PLB1: variants seen among roughly 807,000 people sequenced by gnomAD.
The protein encoded by PLB1 is phospholipase B1, membrane-associated.
PLB1 carries 242 observed loss-of-function variants against 227.4 expected under a neutral mutation model. The observed-to-expected ratio is 1.06, with a 90% CI of 0.96 to 1.18. PLB1 has a LOEUF of 1.18. Ranked by LOEUF, PLB1 falls within the 50% of genes most tolerant of loss-of-function variation. The pLI is 0.00. For synonymous variants in PLB1, 757 were observed against 682.2 expected (o/e 1.11, Z -1.71); for missense variants, 1,858 against 1,816.3 (o/e 1.02, Z -0.42).
chr2:28,626,313 CT>C, intron 50 of PLB1, 114 bp from the exon 51 acceptor site: 1 of 802,408 alleles, frequency 1.2e-6, no homozygotes, highest in Admixed American at 2.2e-5. Context: ...CTGCTTTTCT[CT>C]GTTACAGTAT....
At chr2:28,631,160 A>C (rs1688581227) in intron 54 of PLB1, among the ~76,000 whole-genome samples, 1 of 131,330 alleles carries the variant, frequency 7.6e-6, no homozygotes, top group Non-Finnish European at 1.8e-5. Flanking sequence ...CTCAAAAAAA[A>C]AAAAAAGAAA....
chr2:28,524,591 C>A lies in PLB1; in HGVS notation c.244-676C>A, dbSNP rs147667952. Among the ~76,000 whole-genome samples, 278 of 152,298 alleles carry A rather than the reference C, an allele frequency of 1.8e-3. 1 individual carries two copies. The highest frequency in any genetic ancestry group is 6.4e-3 in the African/African-American group (268 of 41,554). On this transcript the variant is annotated intron_variant, in intron 4 of 57. Transcript: ENST00000327757. ...TAAGTACAAAATGGACACATTCCTG[C>A]CTTCATGGCTCTTATGTCTAGTAGG...
In PLB1 at chr2:28,606,509, G is replaced by A. The variant is rs748823583; in HGVS notation, c.3071G>A (p.Gly1024Glu). Residue 1024 changes from glycine to glutamate, a missense_variant, in exon 43 of 58, where the codon GGA (glycine) becomes GAA (glutamate). Coordinates refer to ENST00000327757, the MANE Select transcript of PLB1 (RefSeq NM_153021.5). ...ALWTNMLEPLGSKTETLDLRA... is the reference protein window; with the variant it reads ...ALWTNMLEPLESKTETLDLRA... ...TTCCCTGATCAGCTTGAACCACTTGGAAGCAAAACAGAGACCCTGGACCTG... is the reference window on the plus strand; with the variant it reads ...TTCCCTGATCAGCTTGAACCACTTGAAAGCAAAACAGAGACCCTGGACCTG... The A allele has an allele frequency of 1.9e-6, 3 of 1,614,040 alleles. No homozygotes were observed. Among genetic ancestry groups the A allele is most frequent in the Non-Finnish European group, 2.5e-6 (3 of 1,180,024 alleles).
At chr2:28,574,884 A>C (rs755458505) in intron 21 of PLB1, among the ~76,000 whole-genome samples, 25 of 152,152 alleles carry the variant, frequency 1.6e-4, no homozygotes, top group Non-Finnish European at 3.1e-4. Flanking sequence ...TCCATGGTGT[A>C]TATATACCAC....
chr2:28,548,665 A>T (rs1558730311), intron 14 of PLB1, 195 bp from the exon 15 acceptor site: 1 of 644,354 alleles, frequency 1.6e-6, no homozygotes. Flanking sequence ...TCGCCTGGAG[A>T]GCTGCTTACA....
At chr2:28,567,536 C>G (rs1284614017) in intron 20 of PLB1, among the ~76,000 whole-genome samples, 1 of 135,890 alleles carries the variant, frequency 7.4e-6, no homozygotes, top group African/African-American at 3.0e-5. Context: ...CAGAGTGGCG[C>G]CATCTCAGCT....
intron 21 of PLB1, among the ~76,000 whole-genome samples, chr2:28,574,237 G>C (rs1035983827): frequency 5.9e-5 from 9 of 151,878 alleles, no homozygotes; most frequent in Non-Finnish European, 1.3e-4. Flanking sequence ...GTAGTTTTTG[G>C]TTACATGAGT....
At chr2:28,522,861 AAGAG>A (rs1175037871) in intron 4 of PLB1, among the ~76,000 whole-genome samples, 2 of 152,126 alleles carry the variant, frequency 1.3e-5, no homozygotes. Context: ...TGTCTGTCCT[AAGAG>A]AGAGAGGGCC....
intron 56 of PLB1, 102 bp from the exon 57 acceptor site, chr2:28,640,825 A>G (rs1414062378): frequency 1.6e-6 from 2 of 1,227,338 alleles, no homozygotes; most frequent in Non-Finnish European, 2.3e-6. Flanking sequence ...TCTATCCCCC[A>G]CCCCGTTCCC....
intron 46 of PLB1, among the ~76,000 whole-genome samples, chr2:28,618,825 C>T (rs987873712): frequency 7.2e-5 from 11 of 152,254 alleles, no homozygotes; most frequent in South Asian, 4.1e-4. Context: ...AGAGGGAGCC[C>T]GGTTCCTCAC....
intron 19 of PLB1, 60 bp downstream of exon 19, chr2:28,565,413 CT>C (rs1386630781): frequency 8.2e-6 from 12 of 1,467,562 alleles, no homozygotes; most frequent in Non-Finnish European, 2.8e-6. Context: ...GGGAAGCCCC[CT>C]GAGTGTTCTA....
At chr2:28,556,627 G>A (rs1485160743) in intron 17 of PLB1, among the ~76,000 whole-genome samples, 1 of 152,132 alleles carries the variant, frequency 6.6e-6, no homozygotes, top group Non-Finnish European at 1.5e-5. Context: ...GTGAGCTTAG[G>A]ATTTTCCCAG....
chr2:28,548,990 C>A, intron 15 of PLB1, 59 bp downstream of exon 15: 1 of 1,504,214 alleles, frequency 6.6e-7, no homozygotes, highest in Non-Finnish European at 9.2e-7. Flanking sequence ...GGTGGGGTGG[C>A]CAAGTGGGCT....
At chr2:28,609,990 C>T (rs57410318) in intron 43 of PLB1, among the ~76,000 whole-genome samples, 1 of 152,156 alleles carries the variant, frequency 6.6e-6, no homozygotes, top group Non-Finnish European at 1.5e-5. Flanking sequence ...TGGGGAGGGC[C>T]TTAGACTTCT....
At chr2:28,628,487 A>G in intron 51 of PLB1, 76 bp from the exon 52 acceptor site, 1 of 1,376,688 alleles carries the variant, frequency 7.3e-7, no homozygotes. Flanking sequence ...CCCAGGCCCC[A>G]GAGCCCTCCT....
chr2:28,520,125 TCC>T lies in PLB1; in HGVS notation c.243+363_243+364del, dbSNP rs529709725. Among the ~76,000 whole-genome samples the T allele has an allele frequency of 1.2e-3, 183 of 151,942 alleles. 1 individual carries two copies. Among genetic ancestry groups the T allele is most frequent in the African/African-American group, 4.2e-3 (176 of 41,466 alleles). On this transcript the variant is annotated intron_variant, in intron 4 of 57. Coordinates refer to ENST00000327757, the MANE Select transcript of PLB1 (RefSeq NM_153021.5). The stretch of plus-strand genomic sequence containing the variant: ...GTATTTTTAGTAGAGACAGAGTTTC[TCC>T]ATGTTGGTCAGGCTAGTCTCGAACT...
intron 2 of PLB1, among the ~76,000 whole-genome samples, chr2:28,518,236 G>C (rs573180453): frequency 6.6e-6 from 1 of 152,162 alleles, no homozygotes; most frequent in African/African-American, 2.4e-5. Flanking sequence ...CTACTCCACT[G>C]TTCTGAGGCA....
rs370446928 is a variant in PLB1, at chr2:28,516,771, C to T, written c.56-37C>T. On this transcript the variant is annotated intron_variant, in intron 1 of 57. Transcript: ENST00000327757. Reference sequence around the variant, plus strand: ...TACAAATTTGGGTGGGAGTTAATTCCAGCTAAATAACTTGAACTATTTCTG... The same window carrying T: ...TACAAATTTGGGTGGGAGTTAATTCTAGCTAAATAACTTGAACTATTTCTG... 3.5e-4 allele frequency: 549 copies of T among 1,586,768 alleles called. 10 individuals carry two copies. In the South Asian group the frequency reaches 5.7e-3, roughly 16 times the overall value.
chr2:28,581,612 C>A (rs4456656), intron 23 of PLB1, among the ~76,000 whole-genome samples: 3 of 150,428 alleles, frequency 2.0e-5, no homozygotes, highest in African/African-American at 7.4e-5. Flanking sequence ...GGCTGGTGTC[C>A]AGGCTGGGGC....
Sources: gnomAD v4.1 joint callset for allele counts (sites outside exome capture counted in the v4.1 genomes callset) on GRCh38, gnomAD v4.1.1 for gene constraint, MANE v1.5 for transcripts, NCBI Gene and HGNC (gene_info 2026-07-23, HGNC 2026-07-21) for gene names.